Variants in GRIK1 observed in about 807,000 individuals in gnomAD.
GRIK1 encodes the protein glutamate ionotropic receptor kainate type subunit 1, also known as glutamate receptor ionotropic, kainate 1.
Under a neutral mutation model 105.7 loss-of-function variants are expected in GRIK1, and 69 were observed. The ratio of observed to expected loss-of-function variants is 0.65; its 90% CI spans 0.54 to 0.80. The LOEUF (loss-of-function observed/expected upper bound fraction) is 0.80, where lower values mean the gene tolerates loss of function less well. Ranked by LOEUF, GRIK1 falls within the 30% of genes least tolerant of loss-of-function variation. The pLI is 0.00. For missense variants in GRIK1, 1,109 were observed against 1,167.3 expected (o/e 0.95, Z 0.73); for synonymous variants, 438 against 431.3 (o/e 1.02, Z -0.19).
At chr21:29,643,260 A>C (rs2062552155) in intron 6 of GRIK1, among the ~76,000 whole-genome samples, 1 of 152,238 alleles carries the variant, frequency 6.6e-6, no homozygotes, top group Non-Finnish European at 1.5e-5. Context: ...TATTTTGCGA[A>C]GTGTCCTCCA....
At chr21:29,750,207 C>A (rs1435365425) in intron 1 of GRIK1, among the ~76,000 whole-genome samples, 1 of 151,180 alleles carries the variant, frequency 6.6e-6, no homozygotes, top group Non-Finnish European at 1.5e-5. Flanking sequence ...TCCTTCTCTC[C>A]CTTCCTTCTC....
intron 1 of GRIK1, among the ~76,000 whole-genome samples, chr21:29,751,320 T>C (rs1028426764): frequency 3.3e-5 from 5 of 152,210 alleles, no homozygotes; most frequent in Non-Finnish European, 7.3e-5. Flanking sequence ...ATAAGATTAG[T>C]TGGCAAGAAA....
At chr21:29,906,098 G>A (rs1037840946) in intron 1 of GRIK1, among the ~76,000 whole-genome samples, 2 of 152,104 alleles carry the variant, frequency 1.3e-5, no homozygotes, top group African/African-American at 4.8e-5. Context: ...AGGAAATACA[G>A]CAATTCGTTT....
At chr21:29,812,351 C>G (rs2067034359) in intron 1 of GRIK1, among the ~76,000 whole-genome samples, 1 of 152,140 alleles carries the variant, frequency 6.6e-6, no homozygotes, top group African/African-American at 2.4e-5. Flanking sequence ...ACCTCTAACT[C>G]TGCCCTTCAC....
chr21:29,683,943 T>A (rs747500188), intron 3 of GRIK1, among the ~76,000 whole-genome samples: 5 of 152,202 alleles, frequency 3.3e-5, no homozygotes, highest in Admixed American at 6.5e-5. Flanking sequence ...CCCCCAGGTA[T>A]CTACATGATT....
chr21:29,592,459 C>T (rs1274681712), intron 9 of GRIK1, among the ~76,000 whole-genome samples: 1 of 152,140 alleles, frequency 6.6e-6, no homozygotes, highest in Non-Finnish European at 1.5e-5. Flanking sequence ...TTCATTCAGC[C>T]TCTGTGGGAA....
intron 16 of GRIK1, among the ~76,000 whole-genome samples, chr21:29,552,302 AAC>A (rs2090148174): frequency 6.6e-6 from 1 of 152,132 alleles, no homozygotes; most frequent in African/African-American, 2.4e-5. Flanking sequence ...GAAAAGATGA[AAC>A]ACACCTTCAA....
chr21:29,817,770 T>A (rs890254494), intron 1 of GRIK1, among the ~76,000 whole-genome samples: 17 of 152,098 alleles, frequency 1.1e-4, no homozygotes, highest in African/African-American at 4.1e-4. Context: ...AAATCGCTGG[T>A]ATTTAAGGGT....
chr21:29,631,989 A>AT (rs202010702), intron 7 of GRIK1, among the ~76,000 whole-genome samples: 7,661 of 152,136 alleles, frequency 0.05, 227 homozygotes, highest in Non-Finnish European at 0.074. Context: ...TGCAGGAAAA[A>AT]AAAAAGAGGC....
chr21:29,552,379 G>A (rs1435184661), intron 16 of GRIK1, among the ~76,000 whole-genome samples: 1 of 152,076 alleles, frequency 6.6e-6, no homozygotes, highest in East Asian at 1.9e-4. Context: ...ATGTGCAAGA[G>A]GTTTTTTATG....
At chr21:29,634,503 A>G (rs188554221) in intron 7 of GRIK1, among the ~76,000 whole-genome samples, 7 of 152,358 alleles carry the variant, frequency 4.6e-5, no homozygotes, top group Non-Finnish European at 8.8e-5. Context: ...AGAATTTGCT[A>G]GAATTTAACT....
At chr21:29,836,958 T>C (rs890702300) in intron 1 of GRIK1, among the ~76,000 whole-genome samples, 2 of 152,202 alleles carry the variant, frequency 1.3e-5, no homozygotes, top group African/African-American at 4.8e-5. Context: ...AGTCCAACTC[T>C]CACCTTAGGC....
chr21:29,880,094 G>C (rs560349102), intron 1 of GRIK1, among the ~76,000 whole-genome samples: 1 of 151,970 alleles, frequency 6.6e-6, no homozygotes, highest in Non-Finnish European at 1.5e-5. Context: ...AATTACTCAC[G>C]CTTCACTGTA....
chr21:29,555,667 T>C lies in GRIK1; in HGVS notation c.2357-365A>G, dbSNP rs538380506. The stretch of plus-strand genomic sequence containing the variant: ...AATAAAATTCTAAGCCCCCATTGAC[T>C]GAACGACCCTCTTTTGTAACCAAAG... On this transcript the variant is annotated intron_variant, in intron 15 of 17. Coordinates refer to ENST00000327783, the MANE Select transcript of GRIK1 (RefSeq NM_001330994.2). Among the ~76,000 whole-genome samples, 40 of 152,314 alleles carry C rather than the reference T, an allele frequency of 2.6e-4. 1 individual carries two copies. The South Asian group carries it at 7.2e-3, about 28-fold the overall frequency.
rs112815723 is a variant in GRIK1 at position 29,746,120 on chromosome 21, T to A, written c.119-52057A>T. The stretch of plus-strand genomic sequence containing the variant: ...CTCCGTTTCAAAAATAAAAAAAAAA[T>A]AAAAATCGAGAAAAGAGAAGAGCTA... On this transcript the variant is annotated intron_variant, in intron 1 of 17. Coordinates refer to ENST00000327783, the MANE Select transcript of GRIK1 (RefSeq NM_001330994.2). 5.9e-4 allele frequency among the ~76,000 whole-genome samples: 89 copies of A among 151,740 alleles called. 1 individual carries two copies. The Middle Eastern group carries it at 0.01, about 17-fold the overall frequency.
chr21:29,667,044 C>T (rs376206442), intron 4 of GRIK1, among the ~76,000 whole-genome samples: 20 of 152,130 alleles, frequency 1.3e-4, no homozygotes, highest in African/African-American at 4.8e-4. Context: ...TGCCAGCATA[C>T]GGTACGTGTT....
rs563446181 is a variant in GRIK1 at position 29,719,585 on chromosome 21, G to A, written c.119-25522C>T. On this transcript the variant is annotated intron_variant, in intron 1 of 17. Transcript: ENST00000327783. ...TTCAAAGAAAGAAGAAAGAAACATGGGCTCACAGAGATGATTTTTTTTTTC... is the reference window on the plus strand; with the variant it reads ...TTCAAAGAAAGAAGAAAGAAACATGAGCTCACAGAGATGATTTTTTTTTTC... 8.6e-5 allele frequency among the ~76,000 whole-genome samples: 13 copies of A among 151,710 alleles called. No homozygotes were observed. In the South Asian group the frequency reaches 2.7e-3, roughly 32 times the overall value.
intron 2 of GRIK1, among the ~76,000 whole-genome samples, chr21:29,692,655 G>T (rs1008467128): frequency 1.3e-5 from 2 of 152,118 alleles, no homozygotes; most frequent in Non-Finnish European, 2.9e-5. Flanking sequence ...CTTACTTCAG[G>T]CTCTACTTCC....
rs187955966 is a variant in GRIK1, at chr21:29,659,735, C to T, written c.727-4872G>A. ...CAGCACTTTGGGAGGCCGAGTTGGA[C>T]GGATCACCTGAGGTCGGGAGTTCAA... is the stretch of plus-strand genomic sequence containing the variant. On this transcript the variant is annotated intron_variant, in intron 4 of 17. Transcript: ENST00000327783. Among the ~76,000 whole-genome samples the T allele has an allele frequency of 3.4e-3, 510 of 152,188 alleles. 1 individual carries two copies. Among genetic ancestry groups the T allele is most frequent in the African/African-American group, 0.012 (481 of 41,542 alleles).
Sources: allele counts gnomAD v4.1 joint callset (sites outside exome capture counted in the v4.1 genomes callset), GRCh38; gene constraint gnomAD v4.1.1; transcripts MANE v1.5; gene names NCBI Gene and HGNC (gene_info 2026-07-23, HGNC 2026-07-21).